The following CFAP99 variants were observed in gnomAD, a reference collection of about 807,000 sequenced individuals.
CFAP99 encodes the protein cilia- and flagella-associated protein 99.
In CFAP99, 84 loss-of-function variants were observed where a neutral mutation model predicts 82.7. That is an observed-to-expected ratio of 1.02 (90% CI 0.85 to 1.22). The LOEUF (loss-of-function observed/expected upper bound fraction) is 1.22, where lower values mean the gene tolerates loss of function less well. Ranked by LOEUF, CFAP99 falls within the 50% of genes most tolerant of loss-of-function variation. CFAP99 has a pLI of 0.00. For missense variants in CFAP99, 1,059 were observed against 983.5 expected (o/e 1.08, Z -1.03); for synonymous variants, 456 against 429.5 (o/e 1.06, Z -0.76).
intron 2 of CFAP99, among the ~76,000 whole-genome samples, chr4:2,430,762 T>A (rs1179163409): frequency 6.6e-6 from 1 of 151,992 alleles, no homozygotes; most frequent in East Asian, 1.9e-4. Flanking sequence ...CATAGCAAGA[T>A]CCCATTTCTC....
At chr4:2,441,952 G>A (rs1734051403) in intron 4 of CFAP99, among the ~76,000 whole-genome samples, 1 of 152,192 alleles carries the variant, frequency 6.6e-6, no homozygotes, top group South Asian at 2.1e-4. Context: ...TGAGACACCT[G>A]TAGGGGGCTG....
chr4:2,421,749 T>C (rs941768179), intron 1 of CFAP99, among the ~76,000 whole-genome samples: 1 of 152,092 alleles, frequency 6.6e-6, no homozygotes, highest in African/African-American at 2.4e-5. Flanking sequence ...AACTTGAGAA[T>C]TAAATCCCAC....
At position 2,452,187 on chromosome 4, in the gene CFAP99, C is replaced by T. The variant is rs754009411; in HGVS notation, c.1002C>T (p.Phe334=). 3.2e-5 allele frequency: 49 copies of T among 1,536,114 alleles called. No homozygotes were observed. In the South Asian group the frequency reaches 4.3e-4, roughly 13 times the overall value. Residue 334 remains phenylalanine (F), a synonymous_variant, in exon 11 of 15, where the codon TTC becomes TTT. Transcript: ENST00000635017. ...GGGCTGGGGACTTCTCTGAGTTCTT[C>T]GAGTGGCAGAAGAAGATGCAGGCGA...
chr4:2,460,378 C>A, intron 14 of CFAP99, 136 bp downstream of exon 14: 1 of 736,654 alleles, frequency 1.4e-6, no homozygotes, highest in Admixed American at 2.4e-5. Context: ...CCGTAACTCC[C>A]CTGACCCCTA....
rs974026866 is a variant in CFAP99 at position 2,462,454 on chromosome 4, A to G, written c.1673A>G (p.Lys558Arg). Residue 558 changes from lysine (K) to arginine (R), a missense_variant, in exon 15 of 15, where the codon AAG (lysine) becomes AGG (arginine). Lys to Arg is a conservative substitution (Grantham distance 26). Transcript: ENST00000635017. The surrounding 1 kb of genome is among the most constrained non-coding windows in gnomAD (Gnocchi z 4.1). ...GCGTCGCCCGCCAGGTGGGAGGAAA[A>G]GAAGGCCCTTGCGGCGGCCCCGGCG... The G allele has an allele frequency of 1.0e-4, 153 of 1,460,120 alleles. No individual in the cohort carries two copies. Among genetic ancestry groups the G allele is most frequent in the Non-Finnish European group, 1.3e-4 (148 of 1,116,662 alleles). The allele number at this position is 1,460,120 out of a possible 1,614,324, so 90.4% of individuals were successfully genotyped here.
intron 3 of CFAP99, among the ~76,000 whole-genome samples, chr4:2,437,400 C>T (rs1230920079): frequency 6.6e-6 from 1 of 152,222 alleles, no homozygotes; most frequent in African/African-American, 2.4e-5. Context: ...ATACAAGAGA[C>T]TCGCTGCCTG....
chr4:2,437,163 C>A, intron 3 of CFAP99, 145 bp downstream of exon 3: 1 of 993,686 alleles, frequency 1.0e-6, no homozygotes, highest in Non-Finnish European at 1.5e-6. Context: ...GGCTCCTCAC[C>A]TCACTTGGTC....
chr4:2,459,902 C>A (rs1578484932), intron 13 of CFAP99, 135 bp from the exon 14 acceptor site: 2 of 747,746 alleles, frequency 2.7e-6, no homozygotes, highest in South Asian at 1.6e-5. Context: ...AGGCTGGGGG[C>A]ATGTTTCATA....
At chr4:2,442,872 G>T (rs765051816) in intron 4 of CFAP99, among the ~76,000 whole-genome samples, 100 of 151,104 alleles carry the variant, frequency 6.6e-4, no homozygotes, top group Non-Finnish European at 1.2e-3. Context: ...GGCCTTGGGG[G>T]CAGGGAGCTC....
At chr4:2,426,185 T>C (rs181384973) in intron 1 of CFAP99, among the ~76,000 whole-genome samples, 1 of 152,194 alleles carries the variant, frequency 6.6e-6, no homozygotes, top group Non-Finnish European at 1.5e-5. Flanking sequence ...GGTGACCTGA[T>C]GGTGAACTCA....
chr4:2,460,144 A>G, exon 14 of CFAP99: 3 of 1,536,050 alleles, frequency 2.0e-6, no homozygotes, highest in Non-Finnish European at 2.6e-6. Flanking sequence ...AGCGGGATCA[A>G]ATCATTCAGG....
At chr4:2,459,555 G>C (rs543977569) in intron 13 of CFAP99, among the ~76,000 whole-genome samples, 20 of 152,234 alleles carry the variant, frequency 1.3e-4, no homozygotes, top group Non-Finnish European at 2.8e-4. Flanking sequence ...GGGAGGGCCA[G>C]GGTGGAAAGG....
At chr4:2,420,520 T>C (rs531347598) in intron 1 of CFAP99, among the ~76,000 whole-genome samples, 2 of 152,262 alleles carry the variant, frequency 1.3e-5, no homozygotes, top group East Asian at 1.9e-4. Context: ...TGTGGGTCTA[T>C]CCTTGGCCAA....
At chr4:2,422,547 G>C (rs746508702) in intron 1 of CFAP99, among the ~76,000 whole-genome samples, 1 of 152,170 alleles carries the variant, frequency 6.6e-6, no homozygotes, top group Non-Finnish European at 1.5e-5. Flanking sequence ...AGGACAGGGG[G>C]AGACGGCAGG....
intron 1 of CFAP99, among the ~76,000 whole-genome samples, chr4:2,423,240 A>T (rs986497624): frequency 6.6e-6 from 1 of 151,946 alleles, no homozygotes; most frequent in Non-Finnish European, 1.5e-5. Context: ...CCACCTACCC[A>T]CCAGGGTTGG....
At chr4:2,431,253 C>T (rs1398621911) in intron 2 of CFAP99, among the ~76,000 whole-genome samples, 1 of 151,786 alleles carries the variant, frequency 6.6e-6, no homozygotes, top group African/African-American at 2.4e-5. Flanking sequence ...CCTGTGGTCC[C>T]AGCTACTCGG....
chr4:2,439,934 C>G (rs1173938571), intron 4 of CFAP99, among the ~76,000 whole-genome samples: 1 of 151,684 alleles, frequency 6.6e-6, no homozygotes, highest in Non-Finnish European at 1.5e-5. Context: ...ACCTCTGCCT[C>G]CTGGGTTCAA....
At chr4:2,429,815 T>A (rs528690467) in intron 2 of CFAP99, among the ~76,000 whole-genome samples, 11 of 152,274 alleles carry the variant, frequency 7.2e-5, no homozygotes, top group Non-Finnish European at 1.6e-4. Context: ...ATGGTCTTGA[T>A]CTCCTGACCT....
chr4:2,452,218 C>G (rs1271847927), exon 11 of CFAP99: 1 of 1,536,012 alleles, frequency 6.5e-7, no homozygotes, highest in Non-Finnish European at 8.7e-7. Context: ...GGCGAAGGAC[C>G]GGGAGGAGCA....
Sources: allele counts gnomAD v4.1 joint callset (sites outside exome capture counted in the v4.1 genomes callset), GRCh38; gene constraint gnomAD v4.1.1; non-coding constraint Gnocchi (gnomAD v3.1); transcripts MANE v1.5; gene names NCBI Gene and HGNC (gene_info 2026-07-23, HGNC 2026-07-21).